The following PRR22 variants were observed in gnomAD, a reference collection of about 807,000 sequenced individuals.
PRR22 encodes proline rich 22.
Under a neutral mutation model 7.2 loss-of-function variants are expected in PRR22, and 5 were observed. The observed-to-expected ratio is 0.69, with a 90% CI of 0.36 to 1.45. The LOEUF is 1.45. PRR22 is among the 40% of genes most tolerant of loss of function. PRR22 has a pLI of 0.03. For synonymous variants in PRR22, 319 were observed against 269.3 expected (o/e 1.18, Z -1.81); for missense variants, 619 against 568.8 (o/e 1.09, Z -0.90).
rs773387734 is a variant in PRR22, at chr19:5,783,528, C to T, written c.719G>A (p.Arg240Gln). 3.4e-5 allele frequency: 55 copies of T among 1,602,622 alleles called. No individual in the cohort carries two copies. The African/African-American group carries it at 5.5e-4, about 16-fold the overall frequency. The change falls in exon 3 of 3, where the codon CGA becomes CAA. Residue 240 changes from arginine (R) to glutamine (Q), a missense_variant. Transcript: ENST00000419421. ...CGGTGGGTACAGGGGCACCCCAGGT[C>T]GGGCCCCACTGCCCTGCAGCTCCTT... ...PVKELQGSGA[R>Q]PGVPLYPPGL... is the part of the protein sequence containing the mutation.
Position 5,783,431 on chromosome 19 carries a change from G to A in PRR22, c.816C>T (p.Pro272=), listed in dbSNP as rs2056811291. The change falls in exon 3 of 3, where the codon CCC becomes CCT. Residue 272 remains proline, a synonymous_variant. Transcript: ENST00000419421. The part of the protein sequence containing the change: ...ALLGAGKAKA[P]KTARALALPD... ...GCAGTGCCAAAGCTCTGGCCGTCTTGGGGGCCTTGGCCTTGCCTGCTCCCA... is the reference window on the plus strand; with the variant it reads ...GCAGTGCCAAAGCTCTGGCCGTCTTAGGGGCCTTGGCCTTGCCTGCTCCCA... The A allele has an allele frequency of 4.3e-6, 7 of 1,611,918 alleles. No individual in the cohort carries two copies. Among genetic ancestry groups the A allele is most frequent in the East Asian group, 2.2e-5 (1 of 44,854 alleles).
At position 5,783,771 on chromosome 19, in the gene PRR22, A is replaced by G; in HGVS notation, c.476T>C (p.Phe159Ser). The G allele has an allele frequency of 2.0e-6, 3 of 1,486,372 alleles. No individual in the cohort carries two copies. The highest frequency in any genetic ancestry group is 2.8e-5 in the South Asian group (2 of 72,682). 92.1% of individuals were successfully genotyped at this position (1,486,372 alleles called of 1,614,324 possible). A position where few individuals can be genotyped will look rare whatever the true frequency, so the allele number is the denominator to read the frequency against. Residue 159 changes from phenylalanine to serine, a missense_variant, in exon 3 of 3, where the codon TTT (phenylalanine) becomes TCT (serine). Transcript: ENST00000419421. Reference sequence around the variant, plus strand: ...GGCGGCGGGCCCTGCGTCCCCCACAAAACCCAGAGCCTCTGGCCCGGGGCC... The same window carrying G: ...GGCGGCGGGCCCTGCGTCCCCCACAGAACCCAGAGCCTCTGGCCCGGGGCC... ...PEGPGPEALG[F>S]VGDAGPAAFV...
In PRR22 at chr19:5,784,644, G is replaced by C; in HGVS notation, c.17C>G (p.Pro6Arg). MQHPKPFCAPAAPQEG... is the reference protein window; with the variant it reads MQHPKRFCAPAAPQEG... ...CTGGGGAGCTGCAGGGGCACAGAAC[G>C]GTTTGGGGTGCTGCATGGGGCAGCG... The change falls in exon 1 of 3, where the codon CCG becomes CGG. Residue 6 changes from proline to arginine, a missense_variant. Pro to Arg is a moderately radical substitution (Grantham distance 103, BLOSUM62 -2). Transcript: ENST00000419421. The C allele has an allele frequency of 6.5e-7, 1 of 1,534,760 alleles. No individual in the cohort carries two copies. Among genetic ancestry groups the C allele is most frequent in the Non-Finnish European group, 8.7e-7 (1 of 1,146,780 alleles).
At chr19:5,784,112 C>A in intron 2 of PRR22, 59 bp from the exon 3 acceptor site, 1 of 1,490,604 alleles carries the variant, frequency 6.7e-7, no homozygotes, top group Non-Finnish European at 9.4e-7. Flanking sequence ...CCAGCCCAAG[C>A]CTGGGGGCCT....
Position 5,783,158 on chromosome 19 carries a change from C to T in PRR22, c.1089G>A (p.Glu363=), listed in dbSNP as rs780324440. Residue 363 remains glutamate, a synonymous_variant, in exon 3 of 3, where the codon GAG becomes GAA. Transcript: ENST00000419421. ...GGGGCCCCGGGTGGGGCGGCTGCTCCTCGTCGAGCGCCTTGAAGTTGAAGA... is the reference window on the plus strand; with the variant it reads ...GGGGCCCCGGGTGGGGCGGCTGCTCTTCGTCGAGCGCCTTGAAGTTGAAGA... ...DYFFNFKALD[E]EQPPHPGPPA... 4.3e-6 allele frequency: 7 copies of T among 1,612,440 alleles called. No individual in the cohort carries two copies. In the Admixed American group the frequency reaches 1.2e-4, roughly 27 times the overall value.
Position 5,784,643 on chromosome 19 carries a change from CG to C in PRR22, c.17del (p.Pro6ArgfsTer41). On this transcript the variant is annotated frameshift_variant, in exon 1 of 3. Coordinates refer to ENST00000419421, the MANE Select transcript of PRR22 (RefSeq NM_001134316.2). LOFTEE classifies it high-confidence loss of function. The stretch of plus-strand genomic sequence containing the variant: ...CCTGGGGAGCTGCAGGGGCACAGAA[CG>C]GTTTGGGGTGCTGCATGGGGCAGCG... Reference protein sequence around the residue: MQHPKPFCAPAAPQEG... With the variant: MQHPKXFCAPAAPQEG... The C allele has an allele frequency of 6.5e-7, 1 of 1,534,822 alleles. No individual in the cohort carries two copies. The highest frequency in any genetic ancestry group is 8.7e-7 in the Non-Finnish European group (1 of 1,146,766).
intron 2 of PRR22, 77 bp downstream of exon 2, chr19:5,784,300 G>A: frequency 1.3e-6 from 2 of 1,491,366 alleles, no homozygotes; most frequent in Non-Finnish European, 1.9e-6. Flanking sequence ...CCCACTTAGG[G>A]ACGGGGCAGG....
chr19:5,783,049 T>G lies in PRR22; in HGVS notation c.1198A>C (p.Arg400=). The G allele has an allele frequency of 3.8e-6, 6 of 1,575,496 alleles. No individual in the cohort carries two copies. Among genetic ancestry groups the G allele is most frequent in the Non-Finnish European group, 5.2e-6 (6 of 1,161,172 alleles). ...AKKGKPGRKA[R]QPAGPASATP... is the part of the protein sequence containing the mutation. ...GCGCTGGCTGGGCCTGCCGGCTGCC[T>G]GGCCTTCCTTCCCGGCTTTCCCTTC... The change falls in exon 3 of 3, where the codon AGG becomes CGG. Residue 400 remains arginine, a synonymous_variant. Transcript: ENST00000419421.
At chr19:5,784,325 GCA>G in intron 2 of PRR22, 50 bp downstream of exon 2, 2 of 1,579,812 alleles carry the variant, frequency 1.3e-6, no homozygotes, top group South Asian at 2.3e-5. Flanking sequence ...AGATGGGCCT[GCA>G]CACTCAAACC....
chr19:5,784,549 C>G lies in PRR22; in HGVS notation c.112G>C (p.Glu38Gln). 1.9e-6 allele frequency: 3 copies of G among 1,549,226 alleles called. No homozygotes were observed. Among genetic ancestry groups the G allele is most frequent in the Non-Finnish European group, 2.6e-6 (3 of 1,146,906 alleles). ...ATCGTACCCATAGCGGGAGGAGGCT[C>G]GGCACAGGTGGGAGCAGGCTGGTTG... ...LGNQPAPTCAEPPPAMGSLNL... is the reference protein window; with the variant it reads ...LGNQPAPTCAQPPPAMGSLNL... The change falls in exon 1 of 3, where the codon GAG (glutamate) becomes CAG (glutamine). Residue 38 changes from glutamate (E) to glutamine (Q), a missense_variant. Physicochemically the swap from Glu to Gln is conservative, Grantham distance 29. Transcript: ENST00000419421.
intron 2 of PRR22, 89 bp downstream of exon 2, chr19:5,784,288 C>A: frequency 7.1e-7 from 1 of 1,411,502 alleles, no homozygotes; most frequent in Non-Finnish European, 9.9e-7. Context: ...TGCCTTCAGG[C>A]TCCCACTTAG....
In PRR22 at chr19:5,783,876, G is replaced by C; in HGVS notation, c.371C>G (p.Ala124Gly). 6.4e-7 allele frequency: 1 copy of C among 1,572,210 alleles called. No homozygotes were observed. The highest frequency in any genetic ancestry group is 8.6e-7 in the Non-Finnish European group (1 of 1,159,986). ...YLLEPQPYLKAPGLPPYPHYQ... is the reference protein window; with the variant it reads ...YLLEPQPYLKGPGLPPYPHYQ... ...GTGGGGGTATGGAGGCAGCCCCGGG[G>C]CCTTGAGGTAGGGCTGAGGCTCCAG... The change falls in exon 3 of 3, where the codon GCC becomes GGC. Residue 124 changes from alanine (A) to glycine (G), a missense_variant. Coordinates refer to ENST00000419421, the MANE Select transcript of PRR22 (RefSeq NM_001134316.2).
chr19:5,783,338 C>T lies in PRR22; in HGVS notation c.909G>A (p.Glu303=). ...FDCLPGASEP[E]GTLCEVPGPA... is the part of the protein sequence containing the mutation. ...GCCCAGGGACCTCGCACAGGGTACC[C>T]TCAGGCTCAGAGGCGCCTGGCAGGC... Residue 303 remains glutamate (E), a synonymous_variant, in exon 3 of 3, where the codon GAG becomes GAA. Transcript: ENST00000419421. 1 of 1,612,740 alleles carries T rather than the reference C, an allele frequency of 6.2e-7. No homozygotes were observed. Among genetic ancestry groups the T allele is most frequent in the Non-Finnish European group, 8.5e-7 (1 of 1,179,948 alleles).
rs928587990 is a variant in PRR22 at position 5,784,663 on chromosome 19, G to A, written c.-3C>T. ...CAGAACGGTTTGGGGTGCTGCATGG[G>A]GCAGCGGGGGGCCCGGTCCAGACAG... is the stretch of plus-strand genomic sequence containing the variant. On this transcript the variant is annotated 5_prime_UTR_variant, in exon 1 of 3. Transcript: ENST00000419421. 5.9e-6 allele frequency: 9 copies of A among 1,533,688 alleles called. No individual in the cohort carries two copies. The highest frequency in any genetic ancestry group is 7.8e-6 in the Non-Finnish European group (9 of 1,146,594).
Position 5,783,792 on chromosome 19 carries a change from G to A in PRR22, c.455C>T (p.Pro152Leu), listed in dbSNP as rs1049400715. ...FLLPYFPPEG[P>L]GPEALGFVGD... ...CACAAAACCCAGAGCCTCTGGCCCG[G>A]GGCCCTCAGGCGGGAAGTAGGGCAA... The change falls in exon 3 of 3, where the codon CCC becomes CTC. Residue 152 changes from proline to leucine, a missense_variant. Coordinates refer to ENST00000419421, the MANE Select transcript of PRR22 (RefSeq NM_001134316.2). 1.3e-6 allele frequency: 2 copies of A among 1,497,208 alleles called. No individual in the cohort carries two copies. The highest frequency in any genetic ancestry group is 2.8e-5 in the African/African-American group (2 of 71,732). 92.7% of individuals were successfully genotyped at this position (1,497,208 alleles called of 1,614,324 possible).
At position 5,783,479 on chromosome 19, in the gene PRR22, G is replaced by T. The variant is rs777667439; in HGVS notation, c.768C>A (p.Ala256=). The change falls in exon 3 of 3, where the codon GCC becomes GCA. Residue 256 remains alanine, a synonymous_variant. Coordinates refer to ENST00000419421, the MANE Select transcript of PRR22 (RefSeq NM_001134316.2). ...CCAGCAGGGCCCCCTCCTTGACCTCGGCCACCTTGAGCTCGCTGAGGCCCG... is the reference window on the plus strand; with the variant it reads ...CCAGCAGGGCCCCCTCCTTGACCTCTGCCACCTTGAGCTCGCTGAGGCCCG... ...YPPGLSELKV[A]EVKEGALLGA... is the part of the protein sequence containing the mutation. The T allele has an allele frequency of 6.2e-7, 1 of 1,604,710 alleles. No individual in the cohort carries two copies. The highest frequency in any genetic ancestry group is 1.7e-5 in the Admixed American group (1 of 58,986).
intron 2 of PRR22, 65 bp from the exon 3 acceptor site, chr19:5,784,118 G>A (rs2056817716): frequency 6.9e-7 from 1 of 1,455,488 alleles, no homozygotes. Context: ...CAAGCCTGGG[G>A]GCCTGTTTGG....
Position 5,783,811 on chromosome 19 carries a change from A to G in PRR22, c.436T>C (p.Tyr146His). ...GGCCCGGGGCCCTCAGGCGGGAAGT[A>G]GGGCAAGAGAAACTGGGGCCCCCCG... The part of the protein sequence containing the change: ...APGGPQFLLP[Y>H]FPPEGPGPEA... The change falls in exon 3 of 3, where the codon TAC (tyrosine) becomes CAC (histidine). Residue 146 changes from tyrosine (Y) to histidine (H), a missense_variant. Transcript: ENST00000419421. 1 of 1,517,528 alleles carries G rather than the reference A, an allele frequency of 6.6e-7. No individual in the cohort carries two copies. The highest frequency in any genetic ancestry group is 8.8e-7 in the Non-Finnish European group (1 of 1,131,710). 94.0% of individuals were successfully genotyped at this position (1,517,528 alleles called of 1,614,324 possible).
rs1360820928 is a variant in PRR22 at position 5,783,198 on chromosome 19, G to A, written c.1049C>T (p.Ser350Phe). ...GAAGTTGAAGAAGTAGTCAACGTTGGACACGGTGTCCAGGATCTCAGGCAC... is the reference window on the plus strand; with the variant it reads ...GAAGTTGAAGAAGTAGTCAACGTTGAACACGGTGTCCAGGATCTCAGGCAC... ...YSVPEILDTV[S>F]NVDYFFNFKA... is the part of the protein sequence containing the mutation. The change falls in exon 3 of 3, where the codon TCC (serine) becomes TTC (phenylalanine). Residue 350 changes from serine (S) to phenylalanine (F), a missense_variant. Coordinates refer to ENST00000419421, the MANE Select transcript of PRR22 (RefSeq NM_001134316.2). 6.2e-7 allele frequency: 1 copy of A among 1,612,646 alleles called. No individual in the cohort carries two copies. Among genetic ancestry groups the A allele is most frequent in the East Asian group, 2.2e-5 (1 of 44,874 alleles).
Sources: allele counts gnomAD v4.1 joint callset, GRCh38; gene constraint gnomAD v4.1.1; transcripts MANE v1.5; gene names NCBI Gene and HGNC (gene_info 2026-07-23, HGNC 2026-07-21).